BAIAP2: variants seen among roughly 807,000 people sequenced by gnomAD.
The protein encoded by BAIAP2 is BAR/IMD domain-containing adapter protein 2.
Under a neutral mutation model 63.0 loss-of-function variants are expected in BAIAP2, and 18 were observed. The observed-to-expected ratio is 0.29, with a 90% confidence interval of 0.20 to 0.42. The LOEUF (loss-of-function observed/expected upper bound fraction) is 0.42, where lower values mean the gene tolerates loss of function less well. Ranked by LOEUF, BAIAP2 falls within the 10% of genes least tolerant of loss-of-function variation. The probability of loss-of-function intolerance (pLI) is 1.00; values close to 1 mark genes in which losing one functional copy is unlikely to be tolerated. For missense variants in BAIAP2, 610 were observed against 734.3 expected (o/e 0.83, Z 1.96); for synonymous variants, 386 against 307.6 (o/e 1.25, Z -2.67).
chr17:81,112,016 A>C (rs1490657170), intron 13 of BAIAP2, among the ~76,000 whole-genome samples: 1 of 152,244 alleles, frequency 6.6e-6, no homozygotes, highest in Non-Finnish European at 1.5e-5. Flanking sequence ...TTTCGGCAAC[A>C]AATTCTGGAA....
chr17:81,069,567 C>T (rs548575872), intron 3 of BAIAP2, among the ~76,000 whole-genome samples: 6 of 152,222 alleles, frequency 3.9e-5, no homozygotes, highest in African/African-American at 1.4e-4. Context: ...GCTGGGAGTT[C>T]TCGAGTCTGT....
At chr17:81,098,086 GTCAT>G in intron 6 of BAIAP2, 1 of 1,344,602 alleles carries the variant, frequency 7.4e-7, no homozygotes, top group Non-Finnish European at 9.6e-7. Flanking sequence ...GCCAGCTGGG[GTCAT>G]GGAGGGGCCA....
chr17:81,037,403 G>A (rs982718521), intron 1 of BAIAP2, among the ~76,000 whole-genome samples: 10 of 152,332 alleles, frequency 6.6e-5, no homozygotes, highest in South Asian at 6.2e-4. Flanking sequence ...CTGCCACTCC[G>A]GGAGCCTGAC....
At chr17:81,095,816 G>A (rs994253602) in intron 6 of BAIAP2, among the ~76,000 whole-genome samples, 1 of 152,148 alleles carries the variant, frequency 6.6e-6, no homozygotes, top group Non-Finnish European at 1.5e-5. Context: ...CATTTACGGG[G>A]CTCCTTTGAG....
intron 3 of BAIAP2, among the ~76,000 whole-genome samples, chr17:81,071,099 A>ATTTTT (rs56122709): frequency 1.6e-4 from 24 of 149,240 alleles, no homozygotes; most frequent in Non-Finnish European, 1.8e-4. Flanking sequence ...ACAGACATTG[A>ATTTTT]TTTTTTTTTT....
At chr17:81,115,100 TTCTTG>T (rs756196632) in intron 13 of BAIAP2, among the ~76,000 whole-genome samples, 26 of 152,320 alleles carry the variant, frequency 1.7e-4, no homozygotes, top group African/African-American at 4.6e-4. Flanking sequence ...CCATTTCAAC[TTCTTG>T]TCTTGAGTCG....
intron 13 of BAIAP2, chr17:81,110,884 C>G (rs754093120): frequency 6.2e-7 from 1 of 1,613,668 alleles, no homozygotes; most frequent in African/African-American, 1.3e-5. Context: ...CCCCATGCTG[C>G]CTCCAACTGA....
At chr17:81,115,494 T>TGCCCAGCCCA (rs377330168) in intron 13 of BAIAP2, among the ~76,000 whole-genome samples, 3 of 152,040 alleles carry the variant, frequency 2.0e-5, no homozygotes, top group African/African-American at 4.8e-5. Flanking sequence ...CGCCCTGCCC[T>TGCCCAGCCCA]GCCCAGCCCA....
chr17:81,108,665 G>T, intron 13 of BAIAP2, 156 bp downstream of exon 13: 1 of 1,011,766 alleles, frequency 9.9e-7, no homozygotes, highest in Non-Finnish European at 1.5e-6. Context: ...CCCTTAGGGC[G>T]TCCTGCTTTC....
intron 7 of BAIAP2, among the ~76,000 whole-genome samples, 176 bp from the exon 8 acceptor site, chr17:81,103,326 C>T (rs1269279004): frequency 2.0e-5 from 3 of 152,234 alleles, no homozygotes; most frequent in Non-Finnish European, 2.9e-5. Context: ...TACCGGCAGC[C>T]GCTTCTGTGG....
At chr17:81,112,367 C>T (rs571563290) in intron 13 of BAIAP2, among the ~76,000 whole-genome samples, 56 of 152,340 alleles carry the variant, frequency 3.7e-4, no homozygotes, top group African/African-American at 1.1e-3. Flanking sequence ...GCCAGTTTCC[C>T]GGCCACGCAG....
intron 13 of BAIAP2, among the ~76,000 whole-genome samples, chr17:81,115,397 C>T (rs745904217): frequency 2.4e-4 from 37 of 152,234 alleles, no homozygotes; most frequent in Admixed American, 5.2e-4. Context: ...GGTGTGTGCC[C>T]GGTTCAGGCC....
In BAIAP2 at chr17:81,035,325, G is replaced by T. The variant is rs1384625543; in HGVS notation, c.54+17G>T. ...GTCTATAAGGTGAGCGCCCCCCGGCGCCGAGCTGAGCCCGCTCCGTGTGCG... is the reference window on the plus strand; with the variant it reads ...GTCTATAAGGTGAGCGCCCCCCGGCTCCGAGCTGAGCCCGCTCCGTGTGCG... On this transcript the variant is annotated intron_variant, in intron 1 of 13. Transcript: ENST00000428708. 3 of 1,398,708 alleles carry T rather than the reference G, an allele frequency of 2.1e-6. No individual in the cohort carries two copies. The highest frequency in any genetic ancestry group is 2.8e-6 in the Non-Finnish European group (3 of 1,060,166). The allele number at this position is 1,398,708 out of a possible 1,614,324, so 86.6% of individuals were successfully genotyped here.
intron 1 of BAIAP2, among the ~76,000 whole-genome samples, chr17:81,052,843 C>T (rs886705801): frequency 1.3e-5 from 2 of 152,180 alleles, no homozygotes; most frequent in Non-Finnish European, 2.9e-5. Context: ...GGCTTCCCTT[C>T]CTGTGATCCT....
chr17:81,085,803 G>A (rs1034754489), intron 5 of BAIAP2, 78 bp downstream of exon 5: 99 of 1,131,698 alleles, frequency 8.7e-5, no homozygotes, highest in Non-Finnish European at 1.2e-4. Flanking sequence ...CTCCTTCCTC[G>A]GCCTGAAGGC....
intron 1 of BAIAP2, chr17:81,035,966 A>G (rs1166420450): frequency 1.3e-5 from 2 of 152,156 alleles, no homozygotes; most frequent in African/African-American, 2.4e-5. Flanking sequence ...AACCGCGGAG[A>G]GAGAAGACTA....
chr17:81,061,082 C>T (rs1309103082), intron 3 of BAIAP2, among the ~76,000 whole-genome samples: 2 of 152,184 alleles, frequency 1.3e-5, no homozygotes, highest in Non-Finnish European at 2.9e-5. Flanking sequence ...CGAGATGGTG[C>T]CATTGCGCTC....
Position 81,086,512 on chromosome 17 carries a change from C to G in BAIAP2, c.421C>G (p.Leu141Val). Residue 141 changes from leucine to valine, a missense_variant, in exon 6 of 14, where the codon CTG becomes GTG. Physicochemically the swap from Leu to Val is conservative, Grantham distance 32. Around this residue, in one of 5 missense-constraint regions of BAIAP2, gnomAD observed 389 missense variants for 455.6 expected, o/e 0.85. Coordinates refer to ENST00000428708, the MANE Select transcript of BAIAP2 (RefSeq NM_001144888.2). ...CGCCCTGGACAAGTGTCAGGCTGAG[C>G]TGAAGAAGCTTCGGAAGAAGAGCCA... The part of the protein sequence containing the change: ...GDALDKCQAE[L>V]KKLRKKSQGS... 1 of 1,614,036 alleles carries G rather than the reference C, an allele frequency of 6.2e-7. No individual in the cohort carries two copies.
intron 1 of BAIAP2, among the ~76,000 whole-genome samples, chr17:81,038,392 G>T (rs375308700): frequency 2.6e-5 from 4 of 152,360 alleles, no homozygotes; most frequent in South Asian, 4.1e-4. Context: ...CTGGAGTGTG[G>T]CGGCTCCACC....
Sources: gnomAD v4.1 joint callset for allele counts (sites outside exome capture counted in the v4.1 genomes callset) on GRCh38, gnomAD v4.1.1 for gene constraint, gnomAD v4.1.1 regional missense constraint, MANE v1.5 for transcripts, NCBI Gene and HGNC (gene_info 2026-07-23, HGNC 2026-07-21) for gene names.